Variants in BICRAL observed in about 807,000 individuals in gnomAD.
The protein encoded by BICRAL is BRD4-interacting chromatin-remodeling complex-associated protein-like.
BICRAL carries 8 observed loss-of-function variants against 91.8 expected under a neutral mutation model. That is an observed-to-expected ratio of 0.09 (90% CI 0.05 to 0.16). BICRAL has a LOEUF of 0.16. Among genes scored for constraint, BICRAL ranks in the 10% least tolerant of loss-of-function variants. The pLI, the probability that BICRAL is intolerant of heterozygous loss-of-function variation, is 1.00. For synonymous variants in BICRAL, 445 were observed against 491.1 expected, an observed-to-expected ratio of 0.91 and a Z score of 1.24; for missense variants, 1,038 against 1,310.9, an observed-to-expected ratio of 0.79 and a Z score of 3.21.
rs539942622 is a variant in BICRAL at position 42,821,779 on chromosome 6, A to G, written c.-5-239A>G. ...GCTGCCAACTATCTTTGATTTGTCT[A>G]GATTCTTTTTTGACTTATAAGTTAA... On this transcript the variant is annotated intron_variant, in intron 2 of 12. Transcript: ENST00000314073. 3.9e-5 allele frequency among the ~76,000 whole-genome samples: 6 copies of G among 152,294 alleles called. No individual in the cohort carries two copies. The East Asian group carries it at 9.6e-4, about 24-fold the overall frequency.
chr6:42,756,615 G>A (rs919628818), intron 1 of BICRAL, among the ~76,000 whole-genome samples: 3 of 151,834 alleles, frequency 2.0e-5, no homozygotes, highest in African/African-American at 7.3e-5. Flanking sequence ...CCCAAAATGA[G>A]GTTTTTATTG....
intron 5 of BICRAL, among the ~76,000 whole-genome samples, chr6:42,827,204 T>C (rs1764331746): frequency 6.6e-6 from 1 of 152,214 alleles, no homozygotes; most frequent in African/African-American, 2.4e-5. Context: ...TAACTTACTA[T>C]CATCAGGACC....
Position 42,822,855 on chromosome 6 carries a change from C to A in BICRAL, c.90+11C>A, listed in dbSNP as rs1764180683. 5 of 1,520,208 alleles carry A rather than the reference C, an allele frequency of 3.3e-6. No homozygotes were observed. Among genetic ancestry groups the A allele is most frequent in the Non-Finnish European group, 4.6e-6 (5 of 1,094,726 alleles). 94.2% of individuals were successfully genotyped at this position (1,520,208 alleles called of 1,614,324 possible). On this transcript the variant is annotated intron_variant, in intron 4 of 12. Coordinates refer to ENST00000314073, the MANE Select transcript of BICRAL (RefSeq NM_001393499.1). ...CCTAGTAATAAATCTGTAAGTAATGCATAGAATACCACAGACATCTATTTT... is the reference window on the plus strand; with the variant it reads ...CCTAGTAATAAATCTGTAAGTAATGAATAGAATACCACAGACATCTATTTT...
At chr6:42,766,982 G>A (rs1762645244) in intron 1 of BICRAL, among the ~76,000 whole-genome samples, 2 of 151,742 alleles carry the variant, frequency 1.3e-5, no homozygotes, top group African/African-American at 4.8e-5. Context: ...GGAGCTTGCA[G>A]TGAGCTGAGA....
intron 6 of BICRAL, among the ~76,000 whole-genome samples, chr6:42,846,292 C>T (rs1765007815): frequency 6.6e-6 from 1 of 151,868 alleles, no homozygotes; most frequent in Non-Finnish European, 1.5e-5. Flanking sequence ...CGCTTGAACC[C>T]GGGAGGCGGA....
At chr6:42,839,916 G>A (rs951789575) in intron 6 of BICRAL, among the ~76,000 whole-genome samples, 8 of 152,246 alleles carry the variant, frequency 5.3e-5, no homozygotes, top group East Asian at 1.9e-4. Context: ...AGCCATTCCC[G>A]AAGGAGCCTG....
chr6:42,819,264 G>A (rs147544114), intron 2 of BICRAL, among the ~76,000 whole-genome samples: 685 of 152,086 alleles, frequency 4.5e-3, no homozygotes, highest in South Asian at 0.011. Flanking sequence ...TTATCTTCTC[G>A]TTTTATTTAT....
At chr6:42,817,830 G>A (rs1764038253) in intron 2 of BICRAL, among the ~76,000 whole-genome samples, 1 of 151,712 alleles carries the variant, frequency 6.6e-6, no homozygotes, top group Non-Finnish European at 1.5e-5. Context: ...CATATCATTT[G>A]GCACATGTGA....
At chr6:42,851,061 T>A (rs1765163016) in intron 6 of BICRAL, among the ~76,000 whole-genome samples, 1 of 149,992 alleles carries the variant, frequency 6.7e-6, no homozygotes, top group South Asian at 2.1e-4. Context: ...GGCATGCACC[T>A]GTAATCCCAG....
At chr6:42,799,449 C>A (rs7738570) in intron 1 of BICRAL, among the ~76,000 whole-genome samples, 53,258 of 151,746 alleles carry the variant, frequency 0.35, 9,638 homozygotes, top group South Asian at 0.47. Context: ...CACGTGCCAC[C>A]ACGCCCGGCT....
intron 2 of BICRAL, among the ~76,000 whole-genome samples, chr6:42,817,737 A>C (rs181571015): frequency 3.9e-4 from 59 of 152,136 alleles, no homozygotes; most frequent in African/African-American, 1.3e-3. Flanking sequence ...CCCCATACCC[A>C]TGACATCTAG....
chr6:42,779,348 C>A (rs1762852567), upstream of BICRAL, among the ~76,000 whole-genome samples: 1 of 151,950 alleles, frequency 6.6e-6, no homozygotes, highest in Non-Finnish European at 1.5e-5. Flanking sequence ...AATATATGGA[C>A]TCTTGAAATG....
chr6:42,855,940 A>G (rs1041364594), intron 9 of BICRAL, 23 bp downstream of exon 9: 1 of 1,596,076 alleles, frequency 6.3e-7, no homozygotes, highest in Non-Finnish European at 8.6e-7. Flanking sequence ...CGGAAATGAC[A>G]AATCAATTCT....
chr6:42,767,175 G>A (rs1204621876), intron 1 of BICRAL, among the ~76,000 whole-genome samples: 1 of 152,270 alleles, frequency 6.6e-6, no homozygotes, highest in East Asian at 1.9e-4. Context: ...AGAAAGAAAA[G>A]AGGAGAGAGG....
intron 8 of BICRAL, among the ~76,000 whole-genome samples, chr6:42,854,137 C>T (rs754780775): frequency 3.3e-5 from 5 of 152,108 alleles, no homozygotes; most frequent in African/African-American, 7.2e-5. Flanking sequence ...AGTAACCAGG[C>T]GTATAGGAAG....
intron 1 of BICRAL, among the ~76,000 whole-genome samples, chr6:42,771,502 T>TG (rs1370736239): frequency 5.5e-4 from 28 of 50,940 alleles, no homozygotes; most frequent in South Asian, 1.6e-3. Context: ...CGGGGGGTGG[T>TG]GGGGGGGTCC....
intron 1 of BICRAL, among the ~76,000 whole-genome samples, chr6:42,770,415 T>A (rs60403251): frequency 0.5 from 49,851 of 99,078 alleles, 9,535 homozygotes; most frequent in Middle Eastern, 0.59. Flanking sequence ...TATTATTATT[T>A]TTTTTTTTTT....
At chr6:42,796,970 G>A (rs1024110508) in intron 1 of BICRAL, among the ~76,000 whole-genome samples, 4 of 151,370 alleles carry the variant, frequency 2.6e-5, no homozygotes, top group Admixed American at 2.0e-4. Context: ...ACTTGAACCC[G>A]GGAGGCAGAG....
rs1765713357 is a variant in BICRAL at position 42,866,481 on chromosome 6, A to C, written c.*1035A>C. 2 of 179,080 alleles carry C rather than the reference A, an allele frequency of 1.1e-5. No individual in the cohort carries two copies. Among genetic ancestry groups the C allele is most frequent in the African/African-American group, 4.7e-5 (2 of 42,360 alleles). 11.1% of individuals were successfully genotyped at this position (179,080 alleles called of 1,614,324 possible). A position where few individuals can be genotyped will look rare whatever the true frequency, so the allele number is the denominator to read the frequency against. On this transcript the variant is annotated 3_prime_UTR_variant, in exon 13 of 13. Transcript: ENST00000314073. Reference sequence around the variant, plus strand: ...CCCACAACAAATACCAAGCATCAAAAGCACTTTCATTTGAAAATTATTATG... The same window carrying C: ...CCCACAACAAATACCAAGCATCAAACGCACTTTCATTTGAAAATTATTATG...
Sources: allele counts gnomAD v4.1 joint callset (sites outside exome capture counted in the v4.1 genomes callset), GRCh38; gene constraint gnomAD v4.1.1; transcripts MANE v1.5; gene names NCBI Gene and HGNC (gene_info 2026-07-23, HGNC 2026-07-21).